The following CEP128 variants were observed in gnomAD, a reference collection of about 807,000 sequenced individuals.
CEP128 encodes centrosomal protein 128kDa.
In CEP128, 132 loss-of-function variants were observed where a neutral mutation model predicts 156.7. That is an observed-to-expected ratio of 0.84 (90% CI 0.73 to 0.97). CEP128 has a LOEUF of 0.97. Ranked by LOEUF, CEP128 falls within the 50% of genes least tolerant of loss-of-function variation. CEP128 has a pLI of 0.00. For missense variants in CEP128, 1,252 were observed against 1,281.9 expected, an observed-to-expected ratio of 0.98 and a Z score of 0.36; for synonymous variants, 469 against 448.9, an observed-to-expected ratio of 1.04 and a Z score of -0.57.
Position 80,914,675 on chromosome 14 carries a change from A to G in CEP128, c.148-267T>C, listed in dbSNP as rs933827967. 9.8e-5 allele frequency among the ~76,000 whole-genome samples: 15 copies of G among 152,304 alleles called. No homozygotes were observed. The East Asian group carries it at 2.7e-3, about 27-fold the overall frequency. The stretch of plus-strand genomic sequence containing the variant: ...AGATTCCCTAGTAAGTCAGCAACAA[A>G]ACCATAAATTCTCAGAATCATAATT... On this transcript the variant is annotated intron_variant, in intron 3 of 24. Coordinates refer to ENST00000555265, the MANE Select transcript of CEP128 (RefSeq NM_152446.5).
intron 18 of CEP128, among the ~76,000 whole-genome samples, chr14:80,755,266 C>T (rs762030970): frequency 2.0e-5 from 3 of 152,180 alleles, no homozygotes; most frequent in Non-Finnish European, 2.9e-5. Flanking sequence ...CCTCAGCCTG[C>T]AGATGGCCTA....
chr14:80,917,183 C>T (rs571095728), intron 2 of CEP128, among the ~76,000 whole-genome samples: 1 of 152,270 alleles, frequency 6.6e-6, no homozygotes, highest in Admixed American at 6.5e-5. Context: ...AGCCAGACAT[C>T]CTAAGTATAT....
chr14:80,661,632 A>G (rs1322436087), intron 19 of CEP128, among the ~76,000 whole-genome samples: 1 of 152,232 alleles, frequency 6.6e-6, no homozygotes, highest in Non-Finnish European at 1.5e-5. Flanking sequence ...AACTGTGAAT[A>G]CAGGTTAGCA....
At chr14:80,927,195 A>T (rs1317637243) in intron 2 of CEP128, among the ~76,000 whole-genome samples, 1 of 152,222 alleles carries the variant, frequency 6.6e-6, no homozygotes, top group Non-Finnish European at 1.5e-5. Context: ...ACCCCGTCGG[A>T]CAAAAGAAAC....
intron 20 of CEP128, among the ~76,000 whole-genome samples, chr14:80,571,398 T>C (rs1030330376): frequency 6.6e-6 from 1 of 152,168 alleles, no homozygotes; most frequent in Non-Finnish European, 1.5e-5. Context: ...AATACAGAAA[T>C]ATTACTTACA....
chr14:80,479,226 TA>T (rs2140144340), intron 14 of CEP128, among the ~76,000 whole-genome samples: 1 of 152,282 alleles, frequency 6.6e-6, no homozygotes, highest in East Asian at 1.9e-4. Context: ...AAGCAAAATA[TA>T]ACATGTAAAA....
Position 80,530,101 on chromosome 14 carries a change from C to G in CEP128, c.2958+708G>C, listed in dbSNP as rs571674788. Among the ~76,000 whole-genome samples the G allele has an allele frequency of 2.7e-4, 41 of 152,298 alleles. No individual in the cohort carries two copies. In the South Asian group the frequency reaches 7.3e-3, roughly 27 times the overall value. On this transcript the variant is annotated intron_variant, in intron 22 of 24. Coordinates refer to ENST00000555265, the MANE Select transcript of CEP128 (RefSeq NM_152446.5). ...ACATGGTTGCCAAAAAGAAATCCTT[C>G]CCATTGTTAGCTTCAGCTATACAAG...
intron 13 of CEP128, chr14:80,830,211 A>G: frequency 1.5e-6 from 1 of 648,108 alleles, no homozygotes; most frequent in Non-Finnish European, 2.8e-6. Context: ...CTTTGTAAAG[A>G]GTATGTCAAT....
downstream of CEP128, among the ~76,000 whole-genome samples, chr14:80,487,678 C>G (rs1472461592): frequency 1.3e-5 from 2 of 152,214 alleles, no homozygotes; most frequent in Non-Finnish European, 2.9e-5. Flanking sequence ...CAAACTGTCT[C>G]TCAGACCACA....
At chr14:80,478,776 T>C (rs1460455711) in intron 14 of CEP128, among the ~76,000 whole-genome samples, 1 of 152,248 alleles carries the variant, frequency 6.6e-6, no homozygotes. Context: ...ATAGGTAGAT[T>C]TGAAGATATG....
chr14:80,740,121 G>T (rs1291609540), intron 19 of CEP128, among the ~76,000 whole-genome samples: 1 of 151,752 alleles, frequency 6.6e-6, no homozygotes, highest in African/African-American at 2.4e-5. Context: ...CTAAATATTA[G>T]TATTATGGCT....
Position 80,590,728 on chromosome 14 carries a change from G to A in CEP128, c.2807-10305C>T, listed in dbSNP as rs200233364. ...TTGAATTTTCTAGACTATGTTTGAT[G>A]GTTGAAGCAAAAATTGTAACAATAT... On this transcript the variant is annotated intron_variant, in intron 19 of 24. Transcript: ENST00000555265. 6.2e-4 allele frequency among the ~76,000 whole-genome samples: 95 copies of A among 152,060 alleles called. 1 individual carries two copies. Among genetic ancestry groups the A allele is most frequent in the East Asian group, 6.0e-3 (31 of 5,164 alleles).
intron 19 of CEP128, among the ~76,000 whole-genome samples, chr14:80,634,041 C>A (rs1406116655): frequency 6.6e-6 from 1 of 152,128 alleles, no homozygotes; most frequent in African/African-American, 2.4e-5. Flanking sequence ...GACTGGAAAG[C>A]CATATATGAA....
At chr14:80,650,223 T>C (rs1894841339) in intron 19 of CEP128, among the ~76,000 whole-genome samples, 1 of 152,144 alleles carries the variant, frequency 6.6e-6, no homozygotes, top group Non-Finnish European at 1.5e-5. Context: ...TGTTTGTCTA[T>C]TATTGGTGTA....
chr14:80,671,106 A>G (rs1172519907), intron 19 of CEP128, among the ~76,000 whole-genome samples: 1 of 152,184 alleles, frequency 6.6e-6, no homozygotes, highest in Non-Finnish European at 1.5e-5. Flanking sequence ...AGGATGTTGT[A>G]GATAAGTAGA....
intron 19 of CEP128, among the ~76,000 whole-genome samples, chr14:80,673,470 C>A (rs950446768): frequency 1.5e-4 from 17 of 113,340 alleles, no homozygotes; most frequent in African/African-American, 5.8e-4. Flanking sequence ...GGTGAAACCC[C>A]GTCTCTACTA....
At chr14:80,571,718 T>C (rs1891145805) in intron 20 of CEP128, among the ~76,000 whole-genome samples, 1 of 152,096 alleles carries the variant, frequency 6.6e-6, no homozygotes, top group Non-Finnish European at 1.5e-5. Context: ...ATTTTGAACT[T>C]GGTTGAAAAC....
intron 19 of CEP128, among the ~76,000 whole-genome samples, chr14:80,642,760 CT>C (rs879745503): frequency 1.9e-3 from 275 of 145,062 alleles, no homozygotes; most frequent in Middle Eastern, 3.6e-3. Flanking sequence ...ACTTGACCCC[CT>C]TTTTTTTTTT....
intron 19 of CEP128, among the ~76,000 whole-genome samples, chr14:80,675,614 T>C (rs1408460350): frequency 6.6e-6 from 1 of 152,114 alleles, no homozygotes; most frequent in African/African-American, 2.4e-5. Context: ...TATTGATTTG[T>C]AGGAATTCAT....
Sources: allele counts gnomAD v4.1 joint callset (sites outside exome capture counted in the v4.1 genomes callset), GRCh38; gene constraint gnomAD v4.1.1; transcripts MANE v1.5; gene names NCBI Gene and HGNC (gene_info 2026-07-23, HGNC 2026-07-21).